Variants in ACTN2 observed in about 807,000 individuals in gnomAD.
ACTN2 encodes the protein actinin alpha 2, also known as alpha-actinin-2.
In ACTN2, 39 loss-of-function variants were observed where a neutral mutation model predicts 113.8. That is an observed-to-expected ratio of 0.34 (90% CI 0.27 to 0.45). The LOEUF is 0.45. Among genes scored for constraint, ACTN2 ranks in the 20% least tolerant of loss-of-function variants. ACTN2 has a pLI of 1.00. For missense variants in ACTN2, 992 were observed against 1,177.9 expected (o/e 0.84, Z 2.31); for synonymous variants, 429 against 444.1 (o/e 0.97, Z 0.43).
At chr1:236,716,597 C>A (rs1039058323) in intron 1 of ACTN2, among the ~76,000 whole-genome samples, 2 of 152,008 alleles carry the variant, frequency 1.3e-5, no homozygotes, top group African/African-American at 4.8e-5. Flanking sequence ...AATATAGTCA[C>A]CTTTGAGATC....
chr1:236,757,458 A>G, intron 17 of ACTN2, 28 bp from the exon 18 acceptor site: 1 of 1,613,992 alleles, frequency 6.2e-7, no homozygotes, highest in East Asian at 2.2e-5. Flanking sequence ...GAGACTTAGA[A>G]CTGATCTTTC....
intron 3 of ACTN2, among the ~76,000 whole-genome samples, chr1:236,719,348 G>A (rs1658315441): frequency 6.6e-6 from 1 of 152,246 alleles, no homozygotes; most frequent in African/African-American, 2.4e-5. Context: ...CTCTATGGGA[G>A]ACTGGGAATT....
intron 1 of ACTN2, among the ~76,000 whole-genome samples, chr1:236,715,915 C>G (rs1658191664): frequency 6.6e-6 from 1 of 152,086 alleles, no homozygotes; most frequent in African/African-American, 2.4e-5. Context: ...GAGATCATGC[C>G]ACTGCACTCC....
In ACTN2 at chr1:236,756,033, AGAGGGCCCGCTGCCACCG is replaced by A. The variant is rs1442606319; in HGVS notation, c.2154+836_2154+853del. On this transcript the variant is annotated intron_variant, in intron 17 of 20. Coordinates refer to ENST00000366578, the MANE Select transcript of ACTN2 (RefSeq NM_001103.4). ...ACCCTGGTAATAGAGTATATACTGC[AGAGGGCCCGCTGCCACCG>A]TTAGAACCCTGGTAATAGAGTATAT... is the stretch of plus-strand genomic sequence containing the variant. 7.6e-3 allele frequency among the ~76,000 whole-genome samples: 342 copies of A among 44,822 alleles called. 2 individuals are homozygous for A. Among genetic ancestry groups the A allele is most frequent in the East Asian group, 0.027 (48 of 1,770 alleles). 29.4% of individuals were successfully genotyped at this position (44,822 alleles called of 152,430 possible). A position where few individuals can be genotyped will look rare whatever the true frequency, so the allele number is the denominator to read the frequency against.
chr1:236,762,733 A>G lies in ACTN2; in HGVS notation c.*114A>G. The G allele has an allele frequency of 7.4e-7, 1 of 1,350,488 alleles. No individual in the cohort carries two copies. The highest frequency in any genetic ancestry group is 2.5e-5 in the East Asian group (1 of 40,052). 83.7% of individuals were successfully genotyped at this position (1,350,488 alleles called of 1,614,324 possible). The stretch of plus-strand genomic sequence containing the variant: ...TAAGTTGAGAGAGAGAGAGGGGAAA[A>G]AAAAAAGCCTTTCGTAGTTCAGTAA... On this transcript the variant is annotated 3_prime_UTR_variant, in exon 21 of 21. Transcript: ENST00000366578.
In ACTN2 at chr1:236,735,720, G is replaced by A. The variant is rs1658852126; in HGVS notation, c.783G>A (p.Gln261=). The A allele has an allele frequency of 6.2e-7, 1 of 1,613,794 alleles. No individual in the cohort carries two copies. Among genetic ancestry groups the A allele is most frequent in the African/African-American group, 1.3e-5 (1 of 74,920 alleles). ...ACCACGCTTTTGCGGGCGCGGAGCA[G>A]GTACTCAACACTTGTCCGTCCGGGC... ...CFYHAFAGAE[Q]AETAANRICK... is the part of the protein sequence containing the mutation. The change falls in exon 8 of 21, where the codon CAG becomes CAA. Residue 261 remains glutamine (Q), a splice_region_variant and synonymous_variant. Coordinates refer to ENST00000366578, the MANE Select transcript of ACTN2 (RefSeq NM_001103.4).
chr1:236,717,996 A>G (rs1278981275), intron 2 of ACTN2, 24 bp downstream of exon 2: 5 of 1,541,136 alleles, frequency 3.2e-6, no homozygotes, highest in South Asian at 1.1e-5. Flanking sequence ...ATCCCATCCT[A>G]TGCTTTCATG....
intron 1 of ACTN2, among the ~76,000 whole-genome samples, chr1:236,693,584 C>T (rs1657360604): frequency 6.6e-6 from 1 of 152,142 alleles, no homozygotes; most frequent in Non-Finnish European, 1.5e-5. Context: ...GTTACCCTTG[C>T]CCCCTCCTCC....
At chr1:236,705,820 GA>G (rs1020689797) in intron 1 of ACTN2, among the ~76,000 whole-genome samples, 147 of 152,312 alleles carry the variant, frequency 9.7e-4, no homozygotes, top group African/African-American at 3.4e-3. Context: ...TGGCTTTGTT[GA>G]AAACCCTGAA....
At position 236,745,928 on chromosome 1, in the gene ACTN2, CT is replaced by C. The variant is rs541094734; in HGVS notation, c.1406+1153del. 3.3e-5 allele frequency among the ~76,000 whole-genome samples: 5 copies of C among 152,150 alleles called. No individual in the cohort carries two copies. In the South Asian group the frequency reaches 8.3e-4, roughly 25 times the overall value. On this transcript the variant is annotated intron_variant, in intron 12 of 20. Coordinates refer to ENST00000366578, the MANE Select transcript of ACTN2 (RefSeq NM_001103.4). ...CCTGTAACCCCAGCACTTTGGGAGGCTGAGGTGGGCTGATCACGAGGTCAGG... is the reference window on the plus strand; with the variant it reads ...CCTGTAACCCCAGCACTTTGGGAGGCGAGGTGGGCTGATCACGAGGTCAGG...
intron 15 of ACTN2, among the ~76,000 whole-genome samples, chr1:236,752,508 T>TG (rs1659425538): frequency 3.1e-5 from 4 of 127,294 alleles, no homozygotes; most frequent in South Asian, 3.0e-4. Flanking sequence ...CTTGCGGGGG[T>TG]GGGGGCGGGG....
chr1:236,720,350 C>T (rs1033344805), intron 4 of ACTN2, among the ~76,000 whole-genome samples, 159 bp downstream of exon 4: 1 of 152,122 alleles, frequency 6.6e-6, no homozygotes, highest in Admixed American at 6.5e-5. Flanking sequence ...TAGGAAAAGA[C>T]CTCGGCAGCA....
chr1:236,715,900 G>T (rs1411059760), intron 1 of ACTN2, among the ~76,000 whole-genome samples: 1 of 152,136 alleles, frequency 6.6e-6, no homozygotes. Context: ...AGATTGCGGT[G>T]AGCTGAGATC....
intron 1 of ACTN2, among the ~76,000 whole-genome samples, chr1:236,698,544 A>C (rs1657585303): frequency 1.3e-5 from 2 of 152,248 alleles, no homozygotes; most frequent in Non-Finnish European, 2.9e-5. Context: ...TTTGTGTTTT[A>C]TAGACTGTAA....
At chr1:236,692,493 A>C (rs541337875) in intron 1 of ACTN2, among the ~76,000 whole-genome samples, 1 of 152,258 alleles carries the variant, frequency 6.6e-6, no homozygotes, top group Non-Finnish European at 1.5e-5. Context: ...CATTGCTGGG[A>C]GGGAGAGGTG....
intron 1 of ACTN2, among the ~76,000 whole-genome samples, chr1:236,707,476 C>T (rs1481242784): frequency 1.3e-5 from 2 of 152,146 alleles, no homozygotes; most frequent in Non-Finnish European, 2.9e-5. Flanking sequence ...CTCGCCCTAC[C>T]TGAGTAAGAT....
At chr1:236,758,324 T>TGG (rs1200434948) in intron 18 of ACTN2, among the ~76,000 whole-genome samples, 1 of 147,830 alleles carries the variant, frequency 6.8e-6, no homozygotes, top group Non-Finnish European at 1.5e-5. Flanking sequence ...TCTCGCTCTG[T>TGG]CACCAGGCTG....
intron 18 of ACTN2, 89 bp downstream of exon 18, chr1:236,757,721 A>C: frequency 6.5e-7 from 1 of 1,529,338 alleles, no homozygotes; most frequent in South Asian, 1.1e-5. Context: ...TTAAGTCTTA[A>C]GGCTCCACAA....
At chr1:236,700,665 C>T (rs1160313406) in intron 1 of ACTN2, among the ~76,000 whole-genome samples, 1 of 152,156 alleles carries the variant, frequency 6.6e-6, no homozygotes, top group East Asian at 1.9e-4. Context: ...GAGGTGGGAA[C>T]AATGTCTGAG....
Sources: allele counts gnomAD v4.1 joint callset (sites outside exome capture counted in the v4.1 genomes callset), GRCh38; gene constraint gnomAD v4.1.1; transcripts MANE v1.5; gene names NCBI Gene and HGNC (gene_info 2026-07-23, HGNC 2026-07-21).